Variants in TENM2 observed in about 807,000 individuals in gnomAD.
TENM2 encodes teneurin transmembrane protein 2, also known as teneurin-2.
A neutral mutation model predicts 245.2 loss-of-function variants in TENM2; 52 were observed. The ratio of observed to expected loss-of-function variants is 0.21; its 90% CI spans 0.17 to 0.27. The LOEUF is 0.27. TENM2 is among the 10% of genes least tolerant of loss of function. TENM2 has a pLI of 1.00. For synonymous variants in TENM2, 1,363 were observed against 1,438.9 expected (o/e 0.95, Z 1.19); for missense variants, 3,046 against 3,666.8 (o/e 0.83, Z 4.37).
At chr5:167,315,550 A>G (rs1431236336) in intron 1 of TENM2, among the ~76,000 whole-genome samples, 2 of 152,208 alleles carry the variant, frequency 1.3e-5, no homozygotes, top group African/African-American at 4.8e-5. Flanking sequence ...TGAATAAATG[A>G]AATAATATTT....
chr5:166,999,840 G>T, the TENM2 span, among the ~76,000 whole-genome samples: 1 of 152,166 alleles, frequency 6.6e-6, no homozygotes, highest in Admixed American at 6.5e-5. Flanking sequence ...CACCCCAAAA[G>T]TGGTGTGTGA....
the TENM2 span, among the ~76,000 whole-genome samples, chr5:167,121,137 TG>T: frequency 6.6e-6 from 1 of 152,136 alleles, no homozygotes; most frequent in Non-Finnish European, 1.5e-5. Flanking sequence ...TGTGTGTTTT[TG>T]TTTTTAGTGC....
intron 2 of TENM2, among the ~76,000 whole-genome samples, chr5:167,604,375 G>T (rs1023048253): frequency 6.6e-6 from 1 of 152,124 alleles, no homozygotes; most frequent in African/African-American, 2.4e-5. Context: ...TTGATGAAAC[G>T]GGGCAGTGGG....
At chr5:167,510,108 C>T (rs1769837527) in intron 2 of TENM2, among the ~76,000 whole-genome samples, 1 of 152,166 alleles carries the variant, frequency 6.6e-6, no homozygotes, top group Admixed American at 6.6e-5. Context: ...CAGATAGGCT[C>T]TCAATAAATA....
At chr5:167,255,903 A>G in the TENM2 span, among the ~76,000 whole-genome samples, 1 of 152,062 alleles carries the variant, frequency 6.6e-6, no homozygotes, top group African/African-American at 2.4e-5. Context: ...AACACATGCT[A>G]CCAATTTTTT....
intron 2 of TENM2, among the ~76,000 whole-genome samples, chr5:167,823,113 G>T (rs1438202524): frequency 6.6e-6 from 1 of 152,102 alleles, no homozygotes; most frequent in Non-Finnish European, 1.5e-5. Flanking sequence ...TGGAAAATGT[G>T]GTCGGAGATT....
intron 2 of TENM2, among the ~76,000 whole-genome samples, chr5:167,842,687 C>G (rs989535816): frequency 6.6e-6 from 1 of 152,088 alleles, no homozygotes; most frequent in East Asian, 1.9e-4. Flanking sequence ...AGTTTGCACC[C>G]CATGTGACTC....
chr5:167,255,907 AT>A, the TENM2 span, among the ~76,000 whole-genome samples: 3 of 151,512 alleles, frequency 2.0e-5, no homozygotes, highest in African/African-American at 2.4e-5. Flanking sequence ...CATGCTACCA[AT>A]TTTTTTTTCC....
At chr5:167,845,236 G>A (rs79345592) in intron 2 of TENM2, among the ~76,000 whole-genome samples, 14 of 34,148 alleles carry the variant, frequency 4.1e-4, no homozygotes, top group African/African-American at 8.2e-4. Flanking sequence ...CCCCCCTCCC[G>A]CGCCACACAC....
rs376079420 is a variant in TENM2 at position 168,106,387 on chromosome 5, T to A, written c.1813+8260T>A. On this transcript the variant is annotated intron_variant, in intron 9 of 28. Coordinates refer to ENST00000518659, the Ensembl canonical transcript of TENM2. ...ATCATCAGAGCTGGCATTTATTGAG[T>A]TCTTACTATATACGCCAACCACCGT... Among the ~76,000 whole-genome samples, 34 of 152,234 alleles carry A rather than the reference T, an allele frequency of 2.2e-4. No individual in the cohort carries two copies. The South Asian group carries it at 7.1e-3, about 32-fold the overall frequency.
rs184461683 is a variant in TENM2 at position 167,311,874 on chromosome 5, G to A, written c.226+26811G>A. 5.9e-5 allele frequency among the ~76,000 whole-genome samples: 9 copies of A among 152,252 alleles called. No homozygotes were observed. The East Asian group carries it at 1.4e-3, about 23-fold the overall frequency. On this transcript the variant is annotated intron_variant, in intron 1 of 28. Coordinates refer to ENST00000518659, the Ensembl canonical transcript of TENM2. ...ATCCGTTTATATCATATTCTGAAAT[G>A]CATCATTCTGTTGTAATGATATTTT... is the stretch of plus-strand genomic sequence containing the variant.
intron 2 of TENM2, among the ~76,000 whole-genome samples, chr5:167,410,016 A>G (rs4242222): frequency 1 from 152,084 of 152,092 alleles, 76,038 homozygotes; most frequent in Non-Finnish European, 1. Flanking sequence ...AAATTTTAGG[A>G]TTTCATTATG....
At chr5:167,253,686 A>T in the TENM2 span, among the ~76,000 whole-genome samples, 1 of 152,102 alleles carries the variant, frequency 6.6e-6, no homozygotes, top group Non-Finnish European at 1.5e-5. Flanking sequence ...ACTCTTTAAG[A>T]TGATTAATTT....
chr5:167,297,080 C>T (rs1330426685), intron 1 of TENM2, among the ~76,000 whole-genome samples: 9 of 152,134 alleles, frequency 5.9e-5, no homozygotes, highest in Admixed American at 5.9e-4. Flanking sequence ...AATAAAATGT[C>T]TCAAGGGATT....
At chr5:168,209,006 C>T (rs955424548) in intron 19 of TENM2, among the ~76,000 whole-genome samples, 9 of 152,034 alleles carry the variant, frequency 5.9e-5, no homozygotes, top group Non-Finnish European at 1.0e-4. Flanking sequence ...ACATGTTTTT[C>T]TATACTTTTT....
chr5:168,257,673 T>C (rs887744083), intron 27 of TENM2, among the ~76,000 whole-genome samples: 16 of 149,462 alleles, frequency 1.1e-4, no homozygotes, highest in Non-Finnish European at 1.9e-4. Context: ...TGGAGTGCAG[T>C]AGCACGATCT....
chr5:167,009,728 C>T, the TENM2 span, among the ~76,000 whole-genome samples: 1 of 152,112 alleles, frequency 6.6e-6, no homozygotes, highest in Non-Finnish European at 1.5e-5. Flanking sequence ...AGGAGCAACC[C>T]TGTGATATGT....
At chr5:167,314,334 G>T (rs941839243) in intron 1 of TENM2, among the ~76,000 whole-genome samples, 33 of 152,082 alleles carry the variant, frequency 2.2e-4, no homozygotes, top group Non-Finnish European at 3.8e-4. Context: ...CATTAAGTAG[G>T]TTGTTAATAA....
At chr5:167,329,959 A>G (rs1427683914) in intron 1 of TENM2, among the ~76,000 whole-genome samples, 1 of 152,186 alleles carries the variant, frequency 6.6e-6, no homozygotes, top group Non-Finnish European at 1.5e-5. Flanking sequence ...CATTTATTAT[A>G]AAACAAATTA....
Sources: gnomAD v4.1 joint callset for allele counts (sites outside exome capture counted in the v4.1 genomes callset) on GRCh38, gnomAD v4.1.1 for gene constraint, MANE v1.5 for transcripts, NCBI Gene and HGNC (gene_info 2026-07-23, HGNC 2026-07-21) for gene names.